ABCG5: variants seen among roughly 807,000 people sequenced by gnomAD.
ABCG5 encodes the protein ATP binding cassette subfamily G member 5, also known as ATP-binding cassette sub-family G member 5.
In ABCG5, 64 loss-of-function variants were observed where a neutral mutation model predicts 64.5. That is an observed-to-expected ratio of 0.99 (90% confidence interval 0.81 to 1.22). The LOEUF (loss-of-function observed/expected upper bound fraction) is 1.22. ABCG5 is among the 50% of genes most tolerant of loss of function. The pLI is 0.00. For missense variants in ABCG5, 908 were observed against 829.5 expected (o/e 1.09, Z -1.16); for synonymous variants, 385 against 326.3 (o/e 1.18, Z -1.94).
chr2:43,822,398 T>G, intron 10 of ABCG5: 1 of 441,430 alleles, frequency 2.3e-6, no homozygotes, highest in Non-Finnish European at 3.0e-6. Flanking sequence ...GCCTCCTCTG[T>G]TGGTTGCTGT....
chr2:43,827,400 T>C lies in ABCG5; in HGVS notation c.634+583A>G, dbSNP rs113528906. 3.8e-3 allele frequency among the ~76,000 whole-genome samples: 572 copies of C among 151,954 alleles called. 4 individuals are homozygous for C. The highest frequency in any genetic ancestry group is 0.012 in the African/African-American group (496 of 41,402). The stretch of plus-strand genomic sequence containing the variant: ...TTGCCTTCTAGTGACCAAGCACCAT[T>C]TGAAGAACAGGCCGTCCTGGTCTAC... On this transcript the variant is annotated intron_variant, in intron 5 of 12. Transcript: ENST00000405322.
chr2:43,836,408 A>AT (rs1572803352), intron 2 of ABCG5, among the ~76,000 whole-genome samples: 1 of 152,330 alleles, frequency 6.6e-6, no homozygotes, highest in East Asian at 1.9e-4. Context: ...TAACACAAGT[A>AT]GAGAGTGGCA....
At chr2:43,838,931 A>G (rs1668453140), upstream of ABCG5, 3 of 1,226,054 alleles carry the variant, frequency 2.4e-6, no homozygotes, top group Non-Finnish European at 3.5e-6. This position sits in a 1 kb window ranked among gnomAD's most constrained non-coding sequence, Gnocchi z 4.2. Context: ...GCTGGGAGAG[A>G]CGGGCCCAGG....
chr2:43,814,620 A>T, intron 11 of ABCG5, 31 bp from the exon 12 acceptor site: 1 of 1,335,042 alleles, frequency 7.5e-7, no homozygotes, highest in Non-Finnish European at 1.1e-6. Context: ...AATGAAATTC[A>T]GTAGGCTCTG....
chr2:43,831,958 A>G lies in ABCG5; in HGVS notation c.391T>C (p.Tyr131His), dbSNP rs774845445. The G allele has an allele frequency of 2.8e-5, 44 of 1,550,222 alleles. No individual in the cohort carries two copies. The highest frequency in any genetic ancestry group is 1.7e-4 in the Middle Eastern group (1 of 5,798). The change falls in exon 3 of 13, where the codon TAC becomes CAC. Residue 131 changes from tyrosine to histidine, a missense_variant. By Grantham distance (83) the Tyr-to-His change is moderately conservative (BLOSUM62 2). Coordinates refer to ENST00000405322, the MANE Select transcript of ABCG5 (RefSeq NM_022436.3). ...GGGGACGCGCCCACCTGCAGGACGT[A>G]GGAGAAGCAGTCCTGGAACTGCTCC... ...RREQFQDCFS[Y>H]VLQSDTLLSS...
At chr2:43,830,341 G>T (rs1224529401) in intron 4 of ABCG5, among the ~76,000 whole-genome samples, 1 of 152,186 alleles carries the variant, frequency 6.6e-6, no homozygotes, top group African/African-American at 2.4e-5. Flanking sequence ...CAGGAGAAAT[G>T]CATTCTTATT....
chr2:43,823,018 C>T (rs1291377945), intron 9 of ABCG5, 83 bp from the exon 10 acceptor site: 17 of 1,565,008 alleles, frequency 1.1e-5, no homozygotes, highest in Non-Finnish European at 1.2e-5. Flanking sequence ...AATGTGAGGT[C>T]TGTCAGGGCT....
Position 43,838,240 on chromosome 2 carries a change from C to T in ABCG5, c.144-285G>A. The T allele has an allele frequency of 1.7e-6, 1 of 594,176 alleles. No homozygotes were observed. Among genetic ancestry groups the T allele is most frequent in the East Asian group, 2.9e-5 (1 of 35,032 alleles). 36.8% of individuals were successfully genotyped at this position (594,176 alleles called of 1,614,324 possible). ...TTTCACCAGGTTTCAAGACTCCTTG[C>T]ATTCGCAGTACCCCCATTCCCATCC... On this transcript the variant is annotated intron_variant, in intron 1 of 12. Transcript: ENST00000405322. This position sits in a 1 kb window ranked among gnomAD's most constrained non-coding sequence, Gnocchi z 4.2.
intron 4 of ABCG5, among the ~76,000 whole-genome samples, chr2:43,829,453 A>G (rs971013469): frequency 6.6e-6 from 1 of 152,182 alleles, no homozygotes; most frequent in Non-Finnish European, 1.5e-5. Flanking sequence ...TCTTCGCTGT[A>G]CTTAAAGCCT....
At chr2:43,824,728 TG>T in intron 7 of ABCG5, 160 bp downstream of exon 7, 1 of 927,178 alleles carries the variant, frequency 1.1e-6, no homozygotes, top group Non-Finnish European at 1.3e-6. Flanking sequence ...TAGTCATCTC[TG>T]GCAAGTTCAT....
Position 43,824,043 on chromosome 2 carries a change from C to A in ABCG5, c.1194G>T (p.Leu398Phe), listed in dbSNP as rs941620063. 6.8e-6 allele frequency: 11 copies of A among 1,614,214 alleles called. No homozygotes were observed. The highest frequency in any genetic ancestry group is 8.5e-6 in the Non-Finnish European group (10 of 1,180,034). The change falls in exon 9 of 13, where the codon TTG becomes TTT. Residue 398 changes from leucine to phenylalanine, a missense_variant. Transcript: ENST00000405322. ...CCCGCAGAACGAAGAAAAGGAGGAA[C>A]AAACCCATGATCAGATTCTGAAGGA... ...TRLLQNLIMG[L>F]FLLFFVLRVR... is the part of the protein sequence containing the mutation.
In ABCG5 at chr2:43,826,405, G is replaced by T. The variant is rs140111105; in HGVS notation, c.751C>A (p.Gln251Lys). The change falls in exon 6 of 13, where the codon CAG becomes AAG. Residue 251 changes from glutamine to lysine, a missense_variant. Transcript: ENST00000405322. ...RNRIVVLTIH[Q>K]PRSELFQLFD... The stretch of plus-strand genomic sequence containing the variant: ...ACCTGAAAAAGCTCAGAACGGGGCT[G>T]GTGAATGGTGAGAACCACAATTCGG... The T allele has an allele frequency of 6.2e-7, 1 of 1,613,972 alleles. No homozygotes were observed. Among genetic ancestry groups the T allele is most frequent in the Non-Finnish European group, 8.5e-7 (1 of 1,180,026 alleles).
At chr2:43,818,729 C>G (rs905588790) in intron 11 of ABCG5, among the ~76,000 whole-genome samples, 1 of 152,094 alleles carries the variant, frequency 6.6e-6, no homozygotes, top group East Asian at 1.9e-4. Flanking sequence ...GAAAAAATAT[C>G]CTCCTTGATT....
In ABCG5 at chr2:43,822,951, A is replaced by G. The variant is rs1667332066; in HGVS notation, c.1325-16T>C. 1.2e-6 allele frequency: 2 copies of G among 1,613,200 alleles called. No homozygotes were observed. The highest frequency in any genetic ancestry group is 1.7e-6 in the Non-Finnish European group (2 of 1,179,726). ...AGCACGGGAACTGGGGATGGAAGGC[A>G]GGTTTCAGAACAGTCAGTCACCACC... On this transcript the variant is annotated splice_polypyrimidine_tract_variant and intron_variant, in intron 9 of 12. Coordinates refer to ENST00000405322, the MANE Select transcript of ABCG5 (RefSeq NM_022436.3).
At chr2:43,822,715 C>T in intron 10 of ABCG5, 82 bp downstream of exon 10, 1 of 1,449,702 alleles carries the variant, frequency 6.9e-7, no homozygotes, top group Non-Finnish European at 9.2e-7. Flanking sequence ...AGAACTTCAC[C>T]CTGGAGCTCT....
chr2:43,838,370 A>T lies in ABCG5; in HGVS notation c.143+167T>A. 2.9e-6 allele frequency: 2 copies of T among 693,178 alleles called. No homozygotes were observed. The highest frequency in any genetic ancestry group is 4.8e-6 in the Non-Finnish European group (2 of 419,626). 42.9% of individuals were successfully genotyped at this position (693,178 alleles called of 1,614,324 possible). ...GGGAGGGGCCATTCACTGTCGCTCCATGTTTCCCAGCACAGCCCTTCTCCC... is the reference window on the plus strand; with the variant it reads ...GGGAGGGGCCATTCACTGTCGCTCCTTGTTTCCCAGCACAGCCCTTCTCCC... On this transcript the variant is annotated intron_variant, in intron 1 of 12. Transcript: ENST00000405322. This position sits in a 1 kb window ranked among gnomAD's most constrained non-coding sequence, Gnocchi z 4.2.
At position 43,814,572 on chromosome 2, in the gene ABCG5, G is replaced by A. The variant is rs1461975219; in HGVS notation, c.1667C>T (p.Pro556Leu). 6.3e-7 allele frequency: 1 copy of A among 1,594,548 alleles called. No homozygotes were observed. Among genetic ancestry groups the A allele is most frequent in the East Asian group, 2.2e-5 (1 of 44,632 alleles). Reference sequence around the variant, plus strand: ...ATAACTGATGATTTTAAAAGGAATGGGCATTTCTTGTATGTTTCTTAAGAA... The same window carrying A: ...ATAACTGATGATTTTAAAAGGAATGAGCATTTCTTGTATGTTTCTTAAGAA... ...SGFLRNIQEM[P>L]IPFKIISYFT... The change falls in exon 12 of 13, where the codon CCC becomes CTC. Residue 556 changes from proline (P) to leucine (L), a missense_variant. Transcript: ENST00000405322.
Position 43,820,002 on chromosome 2 carries a change from A to C in ABCG5, c.1562T>G (p.Leu521Arg). Residue 521 changes from leucine (L) to arginine (R), a missense_variant, in exon 11 of 13, where the codon CTT becomes CGT. Leu to Arg is a moderately radical substitution (Grantham distance 102). Transcript: ENST00000405322. Reference protein sequence around the residue: ...LIGEFLTLVLLGIVQNPNIVN... With the variant: ...LIGEFLTLVLRGIVQNPNIVN... ...TATATTTGGATTTTGGACGATACCA[A>C]GTAGCACAAGAGTTAGAAATTCACC... 2 of 1,614,212 alleles carry C rather than the reference A, an allele frequency of 1.2e-6. No individual in the cohort carries two copies. Among genetic ancestry groups the C allele is most frequent in the Non-Finnish European group, 1.7e-6 (2 of 1,180,040 alleles).
Position 43,822,479 on chromosome 2 carries a change from C to G in ABCG5, c.1463+318G>C, listed in dbSNP as rs749560093. On this transcript the variant is annotated intron_variant, in intron 10 of 12. Coordinates refer to ENST00000405322, the MANE Select transcript of ABCG5 (RefSeq NM_022436.3). ...AGGCTGCTTTCTCCCCTCCCCCAGG[C>G]CCCCCCCCATGCACCTGGGTCCTAG... is the stretch of plus-strand genomic sequence containing the variant. 6.4e-5 allele frequency: 43 copies of G among 668,752 alleles called. 1 individual carries two copies. The South Asian group carries it at 8.6e-4, about 13-fold the overall frequency. The allele number at this position is 668,752 out of a possible 1,614,324, so 41.4% of individuals were successfully genotyped here.
Sources: allele counts gnomAD v4.1 joint callset (sites outside exome capture counted in the v4.1 genomes callset), GRCh38; gene constraint gnomAD v4.1.1; non-coding constraint Gnocchi (gnomAD v3.1); transcripts MANE v1.5; gene names NCBI Gene and HGNC (gene_info 2026-07-23, HGNC 2026-07-21).